MPPED2: variants seen among roughly 807,000 people sequenced by gnomAD.
MPPED2 encodes metallophosphoesterase domain containing 2, also known as metallophosphoesterase MPPED2.
In MPPED2, 5 loss-of-function variants were observed where a neutral mutation model predicts 33.0. That is an observed-to-expected ratio of 0.15 (90% CI 0.08 to 0.32). The LOEUF (loss-of-function observed/expected upper bound fraction) is 0.32, where lower values mean the gene tolerates loss of function less well. Among genes scored for constraint, MPPED2 ranks in the 10% least tolerant of loss-of-function variants. The pLI, the probability that MPPED2 is intolerant of heterozygous loss-of-function variation, is 1.00. For synonymous variants in MPPED2, 136 were observed against 141.9 expected, an observed-to-expected ratio of 0.96 and a Z score of 0.29; for missense variants, 275 against 372.1, an observed-to-expected ratio of 0.74 and a Z score of 2.15.
intron 3 of MPPED2, among the ~76,000 whole-genome samples, chr11:30,530,950 A>C (rs564486784): frequency 6.6e-6 from 1 of 152,324 alleles, no homozygotes; most frequent in Admixed American, 6.5e-5. Flanking sequence ...TGTTCAAGGC[A>C]ATAAAAATAA....
chr11:30,497,396 C>G (rs1026094259), intron 3 of MPPED2, among the ~76,000 whole-genome samples: 3 of 152,150 alleles, frequency 2.0e-5, no homozygotes, highest in Non-Finnish European at 4.4e-5. Context: ...CCTGTGCTCC[C>G]AAAGCCGGAA....
intron 2 of MPPED2, among the ~76,000 whole-genome samples, chr11:30,578,394 G>A (rs1392837977): frequency 2.6e-5 from 4 of 152,168 alleles, no homozygotes; most frequent in African/African-American, 9.7e-5. Flanking sequence ...TCTGGTGAAA[G>A]CACTACACAG....
chr11:30,455,324 G>A (rs1950236154), intron 4 of MPPED2, among the ~76,000 whole-genome samples: 1 of 152,066 alleles, frequency 6.6e-6, no homozygotes, highest in Admixed American at 6.5e-5. Flanking sequence ...AACCAACATC[G>A]CCAAGGGGGC....
intron 3 of MPPED2, among the ~76,000 whole-genome samples, chr11:30,529,072 G>A (rs1458730): frequency 0.22 from 34,158 of 152,034 alleles, 4,219 homozygotes; most frequent in East Asian, 0.41. Context: ...AAGAGATCTA[G>A]CTAAATAAAA....
chr11:30,413,773 T>C (rs1444232838), intron 6 of MPPED2, among the ~76,000 whole-genome samples: 1 of 152,216 alleles, frequency 6.6e-6, no homozygotes, highest in Non-Finnish European at 1.5e-5. Flanking sequence ...GAATGCCTTG[T>C]CTTCCTGGGT....
chr11:30,537,145 A>G (rs1954853684), intron 2 of MPPED2, among the ~76,000 whole-genome samples: 1 of 152,192 alleles, frequency 6.6e-6, no homozygotes, highest in Non-Finnish European at 1.5e-5. Flanking sequence ...TGACTCTTCA[A>G]GCATACAGTT....
Position 30,491,272 on chromosome 11 carries a change from T to A in MPPED2, c.536+4024A>T, listed in dbSNP as rs538468930. On this transcript the variant is annotated intron_variant, in intron 4 of 6. Transcript: ENST00000358117. ...CATGCTCACAAATATGTATTGTTTT[T>A]GAAAATTCTAACTTTGATGACCATT... 6.4e-4 allele frequency among the ~76,000 whole-genome samples: 97 copies of A among 152,344 alleles called. 1 individual carries two copies. The highest frequency in any genetic ancestry group is 3.4e-3 in the Middle Eastern group (1 of 294).
At chr11:30,424,518 C>T (rs553120212) in intron 4 of MPPED2, among the ~76,000 whole-genome samples, 75 of 152,274 alleles carry the variant, frequency 4.9e-4, no homozygotes, top group African/African-American at 1.7e-3. Context: ...TGCCATGAAG[C>T]TGTCATGATA....
chr11:30,525,503 CT>C (rs1348068120), intron 3 of MPPED2, among the ~76,000 whole-genome samples: 1 of 152,170 alleles, frequency 6.6e-6, no homozygotes, highest in Non-Finnish European at 1.5e-5. Context: ...TTCTGCTAAG[CT>C]GATGAAGTAA....
At chr11:30,550,930 A>G (rs1287307765) in intron 2 of MPPED2, among the ~76,000 whole-genome samples, 1 of 152,236 alleles carries the variant, frequency 6.6e-6, no homozygotes, top group African/African-American at 2.4e-5. Context: ...AAAGAAAGTT[A>G]ACTACTTTGC....
chr11:30,500,537 C>A (rs998409717), intron 3 of MPPED2, among the ~76,000 whole-genome samples: 1 of 152,150 alleles, frequency 6.6e-6, no homozygotes, highest in African/African-American at 2.4e-5. Context: ...AGCTGTATGA[C>A]CTTGGAGATT....
intron 4 of MPPED2, among the ~76,000 whole-genome samples, chr11:30,468,271 CTCTCTCTCTT>C (rs1319336172): frequency 7.1e-6 from 1 of 140,502 alleles, no homozygotes; most frequent in Admixed American, 7.1e-5. Flanking sequence ...CTCTCTCTCT[CTCTCTCTCTT>C]TCAATATGCA....
At chr11:30,540,439 T>G (rs1253103318) in intron 2 of MPPED2, among the ~76,000 whole-genome samples, 1 of 152,192 alleles carries the variant, frequency 6.6e-6, no homozygotes, top group Non-Finnish European at 1.5e-5. Context: ...CTCCTAAGAT[T>G]GTTATGAGAA....
At chr11:30,547,873 G>A (rs1444379142) in intron 2 of MPPED2, among the ~76,000 whole-genome samples, 10 of 152,136 alleles carry the variant, frequency 6.6e-5, no homozygotes, top group South Asian at 2.1e-4. Context: ...CAGAGGTTAC[G>A]AAGATGCCAT....
At chr11:30,467,573 CCTGGATCTCCCCCAGGCCCTGGG>C (rs1415991232) in intron 4 of MPPED2, among the ~76,000 whole-genome samples, 1 of 152,132 alleles carries the variant, frequency 6.6e-6, no homozygotes. Context: ...CACCAAATGG[CCTGGATCTCCCCCAGGCCCTGGG>C]CTGGGAGCCA....
chr11:30,568,533 T>C (rs1025847912), intron 2 of MPPED2, among the ~76,000 whole-genome samples: 1 of 152,080 alleles, frequency 6.6e-6, no homozygotes, highest in Non-Finnish European at 1.5e-5. Context: ...AGAACTAAAA[T>C]CCACTAATGA....
At chr11:30,550,644 TC>T (rs1955662763) in intron 2 of MPPED2, among the ~76,000 whole-genome samples, 1 of 152,036 alleles carries the variant, frequency 6.6e-6, no homozygotes, top group South Asian at 2.1e-4. Context: ...TCCATTCTCC[TC>T]TCATTCCGGA....
At chr11:30,556,107 T>C (rs1955952109) in intron 2 of MPPED2, among the ~76,000 whole-genome samples, 1 of 152,194 alleles carries the variant, frequency 6.6e-6, no homozygotes, top group East Asian at 1.9e-4. Context: ...TCCTGCATTA[T>C]CATCAATCCC....
intron 5 of MPPED2, among the ~76,000 whole-genome samples, chr11:30,416,322 T>G (rs866236783): frequency 1.3e-5 from 2 of 152,388 alleles, no homozygotes; most frequent in African/African-American, 4.8e-5. Context: ...TGGTGCTCAC[T>G]TCCACTGTTT....
Sources: gnomAD v4.1 joint callset for allele counts (sites outside exome capture counted in the v4.1 genomes callset) on GRCh38, gnomAD v4.1.1 for gene constraint, MANE v1.5 for transcripts, NCBI Gene and HGNC (gene_info 2026-07-23, HGNC 2026-07-21) for gene names.